The following CCBE1 variants were observed in gnomAD, a reference collection of about 807,000 sequenced individuals.
The protein encoded by CCBE1 is collagen and calcium binding EGF domains 1.
A neutral mutation model predicts 50.0 loss-of-function variants in CCBE1; 37 were observed. The ratio of observed to expected loss-of-function variants is 0.74; its 90% CI spans 0.57 to 0.97. The LOEUF (loss-of-function observed/expected upper bound fraction) is 0.97, where lower values mean the gene tolerates loss of function less well. Ranked by LOEUF, CCBE1 falls within the 50% of genes least tolerant of loss-of-function variation. The probability of loss-of-function intolerance (pLI) is 0.00; values close to 1 mark genes in which losing one functional copy is unlikely to be tolerated. For synonymous variants in CCBE1, 234 were observed against 203.7 expected, an observed-to-expected ratio of 1.15 and a Z score of -1.27; for missense variants, 538 against 523.8, an observed-to-expected ratio of 1.03 and a Z score of -0.26.
At chr18:59,514,817 T>A (rs565747420) in intron 2 of CCBE1, among the ~76,000 whole-genome samples, 1 of 152,054 alleles carries the variant, frequency 6.6e-6, no homozygotes, top group Non-Finnish European at 1.5e-5. Flanking sequence ...CATTTTAAGT[T>A]TTTTTTTGGC....
intron 2 of CCBE1, among the ~76,000 whole-genome samples, chr18:59,683,033 G>A (rs1244071195): frequency 6.6e-6 from 1 of 152,094 alleles, no homozygotes; most frequent in South Asian, 2.1e-4. Context: ...CCATTCCCTT[G>A]GGTAGGTCAG....
At chr18:59,508,943 T>G (rs777931526) in intron 2 of CCBE1, among the ~76,000 whole-genome samples, 4 of 151,976 alleles carry the variant, frequency 2.6e-5, no homozygotes, top group African/African-American at 9.7e-5. Context: ...AATAAGTGAG[T>G]GCAGTTTTTA....
chr18:59,601,058 G>T (rs2053425145), intron 2 of CCBE1, among the ~76,000 whole-genome samples: 1 of 110,464 alleles, frequency 9.1e-6, no homozygotes, highest in East Asian at 2.6e-4. Flanking sequence ...GTAAGACAGG[G>T]TCTCACTCTG....
In CCBE1 at chr18:59,439,690, C is replaced by T. The variant is rs200772179; in HGVS notation, c.902G>A (p.Arg301Gln). 3.3e-4 allele frequency: 530 copies of T among 1,614,232 alleles called. No individual in the cohort carries two copies. Among genetic ancestry groups the T allele is most frequent in the Non-Finnish European group, 4.1e-4 (483 of 1,180,040 alleles). ...TAAGATACTGACCACAGGGCCCCTCCGGCCTTGCTTAATGTGGGACAGATC... is the reference window on the plus strand; with the variant it reads ...TAAGATACTGACCACAGGGCCCCTCTGGCCTTGCTTAATGTGGGACAGATC... ...SPDLSHIKQG[R>Q]RGPVGPPGAP... is the part of the protein sequence containing the mutation. Residue 301 changes from arginine (R) to glutamine (Q), a missense_variant, in exon 8 of 11, where the codon CGG becomes CAG. Arg to Gln is a conservative substitution (Grantham distance 43, BLOSUM62 1). Transcript: ENST00000439986.
chr18:59,470,635 C>T (rs1335311130), intron 3 of CCBE1, among the ~76,000 whole-genome samples: 1 of 152,130 alleles, frequency 6.6e-6, no homozygotes, highest in African/African-American at 2.4e-5. Context: ...AGGGCATCTG[C>T]TCCTCTCAGT....
At chr18:59,614,770 G>A (rs1371085999) in intron 2 of CCBE1, among the ~76,000 whole-genome samples, 1 of 152,250 alleles carries the variant, frequency 6.6e-6, no homozygotes, top group East Asian at 1.9e-4. Context: ...CTGAGCTGAG[G>A]ACGCAGTCCT....
chr18:59,579,852 G>A (rs1399508319), intron 2 of CCBE1, among the ~76,000 whole-genome samples: 1 of 152,222 alleles, frequency 6.6e-6, no homozygotes. Flanking sequence ...AACACACCTC[G>A]AACATACTGA....
At chr18:59,637,044 C>A (rs1363410478) in intron 2 of CCBE1, among the ~76,000 whole-genome samples, 2 of 152,156 alleles carry the variant, frequency 1.3e-5, no homozygotes, top group African/African-American at 4.8e-5. Flanking sequence ...TCAGCAAATG[C>A]TGGAACTGTA....
chr18:59,469,696 T>C (rs1911936571), intron 3 of CCBE1, 89 bp from the exon 4 acceptor site: 2 of 1,563,654 alleles, frequency 1.3e-6, no homozygotes, highest in African/African-American at 1.4e-5. Context: ...TGGGCTGGGC[T>C]CTGCTCAAGG....
At chr18:59,447,754 G>A (rs1336984301) in intron 7 of CCBE1, among the ~76,000 whole-genome samples, 1 of 152,128 alleles carries the variant, frequency 6.6e-6, no homozygotes, top group Non-Finnish European at 1.5e-5. Context: ...TCCAATCCCA[G>A]GACAATGAGC....
intron 2 of CCBE1, among the ~76,000 whole-genome samples, chr18:59,489,585 G>C (rs1412688284): frequency 6.6e-6 from 1 of 151,874 alleles, no homozygotes; most frequent in Non-Finnish European, 1.5e-5. Flanking sequence ...ACATAATTTT[G>C]TATTTTTAGT....
intron 6 of CCBE1, among the ~76,000 whole-genome samples, chr18:59,449,803 C>T (rs1407652686): frequency 2.0e-5 from 3 of 152,164 alleles, no homozygotes; most frequent in African/African-American, 4.8e-5. Flanking sequence ...GAGGCCTGCA[C>T]ACAGATGGGC....
intron 7 of CCBE1, among the ~76,000 whole-genome samples, chr18:59,444,102 G>T (rs1000842732): frequency 7.3e-6 from 1 of 137,916 alleles, no homozygotes; most frequent in African/African-American, 3.0e-5. Context: ...ATATTCCATT[G>T]TAAGTGTATG....
intron 2 of CCBE1, among the ~76,000 whole-genome samples, chr18:59,533,127 G>A (rs1263116471): frequency 6.6e-6 from 1 of 151,974 alleles, no homozygotes; most frequent in East Asian, 1.9e-4. Context: ...TTTCATTATA[G>A]TTAATATATG....
intron 2 of CCBE1, among the ~76,000 whole-genome samples, chr18:59,484,896 C>T (rs1912744013): frequency 6.6e-6 from 1 of 152,174 alleles, no homozygotes; most frequent in South Asian, 2.1e-4. Flanking sequence ...ACACTGGTTG[C>T]ACGTTATACT....
intron 2 of CCBE1, among the ~76,000 whole-genome samples, chr18:59,514,987 C>A (rs1393923961): frequency 6.6e-6 from 1 of 152,184 alleles, no homozygotes; most frequent in East Asian, 1.9e-4. Flanking sequence ...AGCTGAGAAG[C>A]AGGAAGCTCT....
At chr18:59,513,721 G>A (rs573367542) in intron 2 of CCBE1, among the ~76,000 whole-genome samples, 16 of 152,336 alleles carry the variant, frequency 1.1e-4, no homozygotes, top group African/African-American at 3.8e-4. Flanking sequence ...AAACGGGGAC[G>A]GGCCTGGCAA....
rs542129016 is a variant in CCBE1, at chr18:59,562,973, C to T, written c.213-82735G>A. Among the ~76,000 whole-genome samples the T allele has an allele frequency of 7.2e-5, 11 of 152,312 alleles. No individual in the cohort carries two copies. The East Asian group carries it at 1.5e-3, about 21-fold the overall frequency. On this transcript the variant is annotated intron_variant, in intron 2 of 10. Transcript: ENST00000439986. ...GGAATGGACTCTTCCATATAAGTCA[C>T]GGATTGCTTAAGCCCAAAACAGAGA...
intron 2 of CCBE1, among the ~76,000 whole-genome samples, chr18:59,483,959 T>A (rs1474468930): frequency 1.3e-5 from 2 of 152,166 alleles, no homozygotes; most frequent in African/African-American, 4.8e-5. Flanking sequence ...TGTGGCAGTG[T>A]CCAGAGTGCT....
Sources: gnomAD v4.1 joint callset for allele counts (sites outside exome capture counted in the v4.1 genomes callset) on GRCh38, gnomAD v4.1.1 for gene constraint, MANE v1.5 for transcripts, NCBI Gene and HGNC (gene_info 2026-07-23, HGNC 2026-07-21) for gene names.